Variants in BDH1 observed in about 807,000 individuals in gnomAD.
The protein encoded by BDH1 is D-beta-hydroxybutyrate dehydrogenase, mitochondrial.
A neutral mutation model predicts 33.1 loss-of-function variants in BDH1; 30 were observed. The ratio of observed to expected loss-of-function variants is 0.91; its 90% CI spans 0.68 to 1.23. The LOEUF is 1.23. BDH1 is among the 50% of genes most tolerant of loss of function. BDH1 has a pLI of 0.00. For missense variants in BDH1, 443 were observed against 464.4 expected (o/e 0.95, Z 0.42); for synonymous variants, 190 against 183.6 (o/e 1.03, Z -0.28).
intron 3 of BDH1, among the ~76,000 whole-genome samples, chr3:197,541,131 C>A (rs1276475132): frequency 6.6e-6 from 1 of 152,194 alleles, no homozygotes; most frequent in Admixed American, 6.5e-5. Flanking sequence ...TTTGAAGGGG[C>A]CTTGGGACCA....
At chr3:197,540,275 A>G (rs1256575569) in intron 3 of BDH1, among the ~76,000 whole-genome samples, 1 of 147,362 alleles carries the variant, frequency 6.8e-6, no homozygotes, top group African/African-American at 2.5e-5. Context: ...GCTGGTCTCG[A>G]ACTCCTGGCC....
Position 197,511,763 on chromosome 3 carries a change from G to T in BDH1, c.*132C>A. On this transcript the variant is annotated 3_prime_UTR_variant, in exon 8 of 8. Transcript: ENST00000392379. ...AAAGAAGTCATTCCCTCTAGTTAGT[G>T]TTAAAACCAGTTATGGGTCTTCCTG... The T allele has an allele frequency of 1.1e-6, 1 of 906,058 alleles. No individual in the cohort carries two copies. Among genetic ancestry groups the T allele is most frequent in the Non-Finnish European group, 1.6e-6 (1 of 607,934 alleles). 56.1% of individuals were successfully genotyped at this position (906,058 alleles called of 1,614,324 possible). A position where few individuals can be genotyped will look rare whatever the true frequency, so the allele number is the denominator to read the frequency against.
chr3:197,555,246 C>G (rs1716919392), intron 1 of BDH1: 2 of 154,962 alleles, frequency 1.3e-5, no homozygotes, highest in South Asian at 2.1e-4. Context: ...TGCGGAGGAC[C>G]CCGGAGGAGG....
intron 1 of BDH1, among the ~76,000 whole-genome samples, chr3:197,571,516 C>T (rs956882811): frequency 1.3e-5 from 2 of 152,256 alleles, no homozygotes; most frequent in South Asian, 4.1e-4. Flanking sequence ...TGGTTCCCCC[C>T]GTAGTTTTCA....
chr3:197,548,681 T>A (rs976126088), intron 2 of BDH1, among the ~76,000 whole-genome samples: 24 of 150,820 alleles, frequency 1.6e-4, no homozygotes, highest in African/African-American at 5.9e-4. Flanking sequence ...TGAAACCCTG[T>A]CTCTACTAAA....
upstream of BDH1, among the ~76,000 whole-genome samples, chr3:197,560,419 G>A (rs1423347680): frequency 6.6e-6 from 1 of 152,054 alleles, no homozygotes; most frequent in Non-Finnish European, 1.5e-5. Context: ...TCCTTCCTTT[G>A]TTCTCCTCTG....
intron 1 of BDH1, among the ~76,000 whole-genome samples, chr3:197,569,638 G>GT (rs1580024835): frequency 6.6e-6 from 1 of 152,098 alleles, no homozygotes; most frequent in East Asian, 1.9e-4. Context: ...AAAACTGATG[G>GT]TTTTACAAGG....
At position 197,521,150 on chromosome 3, in the gene BDH1, C is replaced by T. The variant is rs1340447617; in HGVS notation, c.409+1490G>A. Among the ~76,000 whole-genome samples the T allele has an allele frequency of 6.6e-6, 1 of 152,192 alleles. No homozygotes were observed. Among genetic ancestry groups the T allele is most frequent in the Non-Finnish European group, 1.5e-5 (1 of 68,040 alleles). ...GCTGCTCCTGAGAGCTGCCCCACCC[C>T]ATTCTGAGGGAAAGCAGAGGCCTGA... On this transcript the variant is annotated intron_variant, in intron 6 of 7. Coordinates refer to ENST00000392379, the MANE Select transcript of BDH1 (RefSeq NM_203314.3). The surrounding 1 kb of genome is among the most constrained non-coding windows in gnomAD (Gnocchi z 4.9).
intron 1 of BDH1, among the ~76,000 whole-genome samples, chr3:197,561,093 A>G (rs928407650): frequency 1.3e-5 from 2 of 152,166 alleles, no homozygotes; most frequent in African/African-American, 2.4e-5. Context: ...GGAAAAGTAA[A>G]CTTTCTAAAT....
intron 3 of BDH1, among the ~76,000 whole-genome samples, chr3:197,535,195 G>A (rs34549679): frequency 0.055 from 8,422 of 152,190 alleles, 296 homozygotes; most frequent in African/African-American, 0.066. Context: ...GCAAACATTC[G>A]GACCATAGCA....
At chr3:197,531,780 C>A (rs1488243981) in intron 5 of BDH1, among the ~76,000 whole-genome samples, 1 of 152,114 alleles carries the variant, frequency 6.6e-6, no homozygotes, top group Non-Finnish European at 1.5e-5. Context: ...AACTTTCTAA[C>A]TGGGGCACTG....
At chr3:197,539,574 C>T (rs1178741132) in intron 3 of BDH1, among the ~76,000 whole-genome samples, 6 of 152,232 alleles carry the variant, frequency 3.9e-5, no homozygotes, top group Admixed American at 2.6e-4. Flanking sequence ...AATTTATAGC[C>T]ATGCAGCTAG....
At position 197,570,413 on chromosome 3, in the gene BDH1, T is replaced by C. The variant is rs772859045; in HGVS notation, c.-44+2768A>G. Among the ~76,000 whole-genome samples, 83 of 152,150 alleles carry C rather than the reference T, an allele frequency of 5.5e-4. 1 individual carries two copies. Among genetic ancestry groups the C allele is most frequent in the Non-Finnish European group, 1.1e-3 (76 of 68,018 alleles). On this transcript the variant is annotated intron_variant, in intron 1 of 6. Coordinates refer to the BDH1 transcript ENST00000358186. ...CAGATTGCCAAGATGATAGAGAAAA[T>C]GTCTCCAGGGTATGTCAAAGACCTT... is the stretch of plus-strand genomic sequence containing the variant.
chr3:197,515,372 G>A (rs1386412161), intron 6 of BDH1: 1 of 985,614 alleles, frequency 1.0e-6, no homozygotes, highest in African/African-American at 1.7e-5. Flanking sequence ...ACCTCGCTCA[G>A]ATGCTAATGA....
chr3:197,510,558 G>A lies in BDH1; in HGVS notation c.*1337C>T, dbSNP rs554308241. 1 of 152,050 alleles carries A rather than the reference G, an allele frequency of 6.6e-6. No homozygotes were observed. Among genetic ancestry groups the A allele is most frequent in the East Asian group, 1.9e-4 (1 of 5,142 alleles). The allele number at this position is 152,050 out of a possible 1,614,324, so 9.4% of individuals were successfully genotyped here. Reference sequence around the variant, plus strand: ...TTCTTAATTGAAAAGAGGCCGAGGCGAGGCGGGAATGAAGGCCACGCTGAA... The same window carrying A: ...TTCTTAATTGAAAAGAGGCCGAGGCAAGGCGGGAATGAAGGCCACGCTGAA... On this transcript the variant is annotated 3_prime_UTR_variant, in exon 8 of 8. Transcript: ENST00000392379.
chr3:197,520,349 CG>C lies in BDH1; in HGVS notation c.409+2290del, dbSNP rs1379387092. On this transcript the variant is annotated intron_variant, in intron 6 of 7. Coordinates refer to ENST00000392379, the MANE Select transcript of BDH1 (RefSeq NM_203314.3). This position sits in a 1 kb window ranked among gnomAD's most constrained non-coding sequence, Gnocchi z 6.0. The stretch of plus-strand genomic sequence containing the variant: ...ATGGTGAGAGGTTCATCCAGCCCTC[CG>C]GAATGCCCGGCGTGGGAAAAGCAGC... Among the ~76,000 whole-genome samples, 1 of 152,116 alleles carries C rather than the reference CG, an allele frequency of 6.6e-6. No individual in the cohort carries two copies. The highest frequency in any genetic ancestry group is 1.9e-4 in the East Asian group (1 of 5,190).
rs867716996 is a variant in BDH1, at chr3:197,528,836, G to A, written c.267+3576C>T. The A allele has an allele frequency of 6.6e-6, 1 of 152,266 alleles. No homozygotes were observed. Among genetic ancestry groups the A allele is most frequent in the Non-Finnish European group, 1.5e-5 (1 of 68,084 alleles). 9.4% of individuals were successfully genotyped at this position (152,266 alleles called of 1,614,324 possible). A position where few individuals can be genotyped will look rare whatever the true frequency, so the allele number is the denominator to read the frequency against. On this transcript the variant is annotated intron_variant, in intron 5 of 7. Coordinates refer to ENST00000392379, the MANE Select transcript of BDH1 (RefSeq NM_203314.3). This position sits in a 1 kb window ranked among gnomAD's most constrained non-coding sequence, Gnocchi z 5.1. Reference sequence around the variant, plus strand: ...GGGGACATGTTTGTCCCCTTCCGGGGTTAGTGGTCAGTCTAGGACTAGAAC... The same window carrying A: ...GGGGACATGTTTGTCCCCTTCCGGGATTAGTGGTCAGTCTAGGACTAGAAC...
chr3:197,560,320 C>A (rs1331674167), upstream of BDH1, among the ~76,000 whole-genome samples: 1 of 152,236 alleles, frequency 6.6e-6, no homozygotes, highest in Non-Finnish European at 1.5e-5. Flanking sequence ...TGTGCTTATA[C>A]TGGTCCAAGC....
At chr3:197,570,763 G>A (rs1346055554) in intron 1 of BDH1, among the ~76,000 whole-genome samples, 1 of 152,198 alleles carries the variant, frequency 6.6e-6, no homozygotes, top group Non-Finnish European at 1.5e-5. Context: ...TGCAGGGCTG[G>A]GACCCTCACA....
Sources: allele counts gnomAD v4.1 joint callset (sites outside exome capture counted in the v4.1 genomes callset), GRCh38; gene constraint gnomAD v4.1.1; non-coding constraint Gnocchi (gnomAD v3.1); transcripts MANE v1.5; gene names NCBI Gene and HGNC (gene_info 2026-07-23, HGNC 2026-07-21).